USF3: variants seen among roughly 807,000 people sequenced by gnomAD.
USF3 encodes upstream transcription factor family member 3.
USF3 carries 29 observed loss-of-function variants against 157.5 expected under a neutral mutation model. The observed-to-expected ratio is 0.18, with a 90% confidence interval of 0.14 to 0.25. The LOEUF (loss-of-function observed/expected upper bound fraction) is 0.25, where lower values mean the gene tolerates loss of function less well. Ranked by LOEUF, USF3 falls within the 10% of genes least tolerant of loss-of-function variation. The pLI is 1.00. For synonymous variants in USF3, 893 were observed against 941.4 expected (o/e 0.95, Z 0.94); for missense variants, 2,381 against 2,667.6 (o/e 0.89, Z 2.37).
At chr3:113,688,467 C>G (rs1016677681) in intron 1 of USF3, among the ~76,000 whole-genome samples, 1 of 152,180 alleles carries the variant, frequency 6.6e-6, no homozygotes, top group Non-Finnish European at 1.5e-5. Context: ...TGTCTCTCAT[C>G]AATTACTCCT....
At chr3:113,691,374 T>A (rs1042981045) in intron 1 of USF3, among the ~76,000 whole-genome samples, 3 of 152,106 alleles carry the variant, frequency 2.0e-5, no homozygotes, top group Admixed American at 6.6e-5. Flanking sequence ...CAACCAGCTG[T>A]TACCTGACTT....
At chr3:113,669,801 AGAACATGCATTG>A in intron 5 of USF3, among the ~76,000 whole-genome samples, 1 of 152,212 alleles carries the variant, frequency 6.6e-6, no homozygotes. Flanking sequence ...AAAAGGAGTA[AGAACATGCATTG>A]GCAGGAAAAC....
chr3:113,655,116 T>C lies in USF3; in HGVS notation c.6566A>G (p.Asn2189Ser). ...TATTTCTGGAAACAAAGATGTCATA[T>C]TAAAATTGGATAAGTGAGAGTTGGT... ...HMTNSHLSNF[N>S]MTSLFPEIAT... Residue 2189 changes from asparagine to serine, a missense_variant, in exon 7 of 7, where the codon AAT becomes AGT. Asn to Ser is a conservative substitution (Grantham distance 46, BLOSUM62 1). This residue lies in a region of USF3 where 770 missense variants were observed against 824.2 expected (regional missense o/e 0.93). Transcript: ENST00000316407. 3 of 1,614,214 alleles carry C rather than the reference T, an allele frequency of 1.9e-6. No individual in the cohort carries two copies. The highest frequency in any genetic ancestry group is 4.5e-5 in the East Asian group (2 of 44,888).
chr3:113,684,190 C>G (rs893246281), intron 1 of USF3, among the ~76,000 whole-genome samples: 10 of 152,156 alleles, frequency 6.6e-5, no homozygotes, highest in Non-Finnish European at 1.3e-4. Context: ...CTCTCCTGGT[C>G]TGTAAGGTTT....
intron 5 of USF3, among the ~76,000 whole-genome samples, chr3:113,668,841 G>T (rs1243746829): frequency 6.6e-6 from 1 of 152,078 alleles, no homozygotes; most frequent in Non-Finnish European, 1.5e-5. Flanking sequence ...TATAAGAGCT[G>T]CAATTAAAAA....
In USF3 at chr3:113,661,042, C is replaced by T; in HGVS notation, c.640G>A (p.Val214Ile). The change falls in exon 7 of 7, where the codon GTT becomes ATT. Residue 214 changes from valine to isoleucine, a missense_variant. This residue lies in a region of USF3 where 1,435 missense variants were observed against 1,550.9 expected (regional missense o/e 0.93). Coordinates refer to ENST00000316407, the MANE Select transcript of USF3 (RefSeq NM_001009899.4). ...GGCTGGTTGGTAGCCAATGCAGGAACTGTGGTCTGATGCCATGGCTTGTTT... is the reference window on the plus strand; with the variant it reads ...GGCTGGTTGGTAGCCAATGCAGGAATTGTGGTCTGATGCCATGGCTTGTTT... Reference protein sequence around the residue: ...SENKPWHQTTVPALATNQPVP... With the variant: ...SENKPWHQTTIPALATNQPVP... 1 of 1,614,176 alleles carries T rather than the reference C, an allele frequency of 6.2e-7. No homozygotes were observed. The highest frequency in any genetic ancestry group is 1.3e-5 in the African/African-American group (1 of 75,042).
chr3:113,693,302 C>T (rs1707727578), intron 1 of USF3, among the ~76,000 whole-genome samples: 1 of 152,098 alleles, frequency 6.6e-6, no homozygotes, highest in Non-Finnish European at 1.5e-5. Context: ...GTGAATGGTA[C>T]CCCCTGGAGT....
chr3:113,673,318 G>A (rs1449085012), intron 4 of USF3, 30 bp downstream of exon 4: 3 of 1,542,114 alleles, frequency 1.9e-6, no homozygotes, highest in Non-Finnish European at 2.7e-6. Context: ...TGCAAAAAAT[G>A]CTAACAGGTA....
At chr3:113,676,871 A>G (rs1707294258) in intron 2 of USF3, among the ~76,000 whole-genome samples, 1 of 152,268 alleles carries the variant, frequency 6.6e-6, no homozygotes, top group Admixed American at 6.5e-5. Context: ...ACCGTGAATC[A>G]TAATAACAGT....
chr3:113,649,855 G>A lies in USF3; in HGVS notation c.*5089C>T, dbSNP rs186698447. The A allele has an allele frequency of 1.4e-5, 10 of 702,710 alleles. No homozygotes were observed. Among genetic ancestry groups the A allele is most frequent in the East Asian group, 2.7e-5 (1 of 37,298 alleles). The allele number at this position is 702,710 out of a possible 1,614,324, so 43.5% of individuals were successfully genotyped here. A position where few individuals can be genotyped will look rare whatever the true frequency, so the allele number is the denominator to read the frequency against. ...TCCACAGGTTCTAGTAGAAACCTAC[G>A]CATGAAGAATAGAATGCAGACAGAA... On this transcript the variant is annotated 3_prime_UTR_variant, in exon 7 of 7. Coordinates refer to ENST00000316407, the MANE Select transcript of USF3 (RefSeq NM_001009899.4).
chr3:113,694,871 CCT>C (rs1707765956), intron 1 of USF3, among the ~76,000 whole-genome samples: 1 of 152,216 alleles, frequency 6.6e-6, no homozygotes, highest in South Asian at 2.1e-4. Flanking sequence ...ATGGAGAAAC[CCT>C]GTCTCTACTT....
chr3:113,654,839 A>T lies in USF3; in HGVS notation c.*105T>A. The T allele has an allele frequency of 2.4e-6, 3 of 1,259,602 alleles. No homozygotes were observed. The highest frequency in any genetic ancestry group is 2.4e-5 in the East Asian group (1 of 41,392). 78.0% of individuals were successfully genotyped at this position (1,259,602 alleles called of 1,614,324 possible). A position where few individuals can be genotyped will look rare whatever the true frequency, so the allele number is the denominator to read the frequency against. Reference sequence around the variant, plus strand: ...GAAGATAACTGAAAACTGATTATACAGACACACACACACAATCCTTCTCTT... The same window carrying T: ...GAAGATAACTGAAAACTGATTATACTGACACACACACACAATCCTTCTCTT... On this transcript the variant is annotated 3_prime_UTR_variant, in exon 7 of 7. Transcript: ENST00000316407.
At chr3:113,682,873 T>C (rs1309036706) in intron 1 of USF3, among the ~76,000 whole-genome samples, 1 of 151,796 alleles carries the variant, frequency 6.6e-6, no homozygotes, top group Non-Finnish European at 1.5e-5. Context: ...GTGTTTGTTG[T>C]AGGCAACAGA....
chr3:113,670,036 CA>C, intron 5 of USF3, 84 bp downstream of exon 5: 2 of 870,732 alleles, frequency 2.3e-6, no homozygotes. Context: ...TAGAAAGCAA[CA>C]AAAATAATCA....
chr3:113,674,763 A>T, intron 3 of USF3, 69 bp downstream of exon 3: 1 of 1,267,696 alleles, frequency 7.9e-7, no homozygotes, highest in Non-Finnish European at 1.2e-6. Context: ...CTACCTATGT[A>T]GCAAAATAGG....
At chr3:113,685,210 T>C (rs562516347) in intron 1 of USF3, among the ~76,000 whole-genome samples, 9 of 151,812 alleles carry the variant, frequency 5.9e-5, no homozygotes, top group Non-Finnish European at 8.8e-5. Context: ...GCAAATGGAG[T>C]CTCTTTCTTC....
Position 113,660,697 on chromosome 3 carries a change from C to A in USF3, c.985G>T (p.Gly329Cys), listed in dbSNP as rs201864951. 6.2e-7 allele frequency: 1 copy of A among 1,614,178 alleles called. No individual in the cohort carries two copies. The highest frequency in any genetic ancestry group is 1.1e-5 in the South Asian group (1 of 91,082). Residue 329 changes from glycine (G) to cysteine (C), a missense_variant, in exon 7 of 7, where the codon GGT becomes TGT. Physicochemically the swap from Gly to Cys is radical, Grantham distance 159 (BLOSUM62 -3). Coordinates refer to ENST00000316407, the MANE Select transcript of USF3 (RefSeq NM_001009899.4). ...ACAACAAAAGTGTTTTGAAAATCAC[C>A]TCTGAAGTCCTGTATGCTCAGGCAG... is the stretch of plus-strand genomic sequence containing the variant. The part of the protein sequence containing the change: ...KSCLSIQDFR[G>C]DFQNTFVVSV...
intron 1 of USF3, among the ~76,000 whole-genome samples, chr3:113,694,303 C>A (rs1462055312): frequency 6.6e-6 from 1 of 152,170 alleles, no homozygotes; most frequent in African/African-American, 2.4e-5. Context: ...CTTAGTGTTT[C>A]TTTTCCCTTG....
chr3:113,648,852 A>T lies in USF3; in HGVS notation c.*6092T>A, dbSNP rs1038117807. On this transcript the variant is annotated 3_prime_UTR_variant, in exon 7 of 7. Transcript: ENST00000316407. ...TTGTGAAGGTAATTATGTTCTCCTC[A>T]GATTTTTCAACTTTTTTTTACCAAA... 6.6e-6 allele frequency: 1 copy of T among 152,430 alleles called. No homozygotes were observed. Among genetic ancestry groups the T allele is most frequent in the Non-Finnish European group, 1.5e-5 (1 of 68,006 alleles). 9.4% of individuals were successfully genotyped at this position (152,430 alleles called of 1,614,324 possible). A position where few individuals can be genotyped will look rare whatever the true frequency, so the allele number is the denominator to read the frequency against.
Sources: allele counts gnomAD v4.1 joint callset (sites outside exome capture counted in the v4.1 genomes callset), GRCh38; gene constraint gnomAD v4.1.1; regional missense constraint gnomAD v4.1.1; transcripts MANE v1.5; gene names NCBI Gene and HGNC (gene_info 2026-07-23, HGNC 2026-07-21).